The following IFNG-AS1 variants were observed in gnomAD, a reference collection of about 807,000 sequenced individuals.
IFNG-AS1 encodes the protein IFNG antisense RNA 1 (non-protein coding).
chr12:67,997,099 A>G (rs1879659214), intron 2 of IFNG-AS1, among the ~76,000 whole-genome samples: 1 of 152,154 alleles, frequency 6.6e-6, no homozygotes, highest in Admixed American at 6.5e-5. Context: ...AACAAAGAAC[A>G]TGAAACACTT....
At chr12:67,990,801 C>T (rs1489801408) in intron 1 of IFNG-AS1, among the ~76,000 whole-genome samples, 1 of 152,074 alleles carries the variant, frequency 6.6e-6, no homozygotes, top group African/African-American at 2.4e-5. Flanking sequence ...CCTATGTTGG[C>T]CAAGCTGGTC....
rs1031951742 is a variant in IFNG-AS1 at position 68,015,946 on chromosome 12, G to T, written n.242-3916G>T. On this transcript the variant is annotated intron_variant and non_coding_transcript_variant, in intron 3 of 5. Coordinates refer to ENST00000536914, the Ensembl canonical transcript of IFNG-AS1. ...TTTCCTATCTGAAAACTAGAGACGG[G>T]GGGGGGAAAAAAAACCTTTCCCAGA... 1.5e-4 allele frequency among the ~76,000 whole-genome samples: 23 copies of T among 151,506 alleles called. 1 individual carries two copies. The highest frequency in any genetic ancestry group is 4.1e-4 in the African/African-American group (17 of 41,250).
chr12:68,015,175 G>A (rs1457185502), intron 3 of IFNG-AS1, among the ~76,000 whole-genome samples: 2 of 152,128 alleles, frequency 1.3e-5, no homozygotes, highest in African/African-American at 4.8e-5. Context: ...TCTAAAGCAA[G>A]CCAGATGGAC....
intron 3 of IFNG-AS1, among the ~76,000 whole-genome samples, chr12:68,018,672 A>G (rs1592831469): frequency 6.6e-6 from 1 of 152,184 alleles, no homozygotes; most frequent in Non-Finnish European, 1.5e-5. Context: ...TCACCCCTCA[A>G]TGCAGGAAGG....
intron 3 of IFNG-AS1, among the ~76,000 whole-genome samples, chr12:68,010,971 T>C (rs1880012690): frequency 6.6e-6 from 1 of 152,240 alleles, no homozygotes; most frequent in Non-Finnish European, 1.5e-5. Flanking sequence ...AGGGGTTAGA[T>C]GTATTATCTC....
exon 2 of IFNG-AS1, chr12:67,995,978 G>A (rs1263937523): frequency 6.6e-6 from 1 of 152,156 alleles, no homozygotes; most frequent in African/African-American, 2.4e-5. Context: ...GCTGATGATG[G>A]TGGCAATCTT....
chr12:68,002,282 G>A (rs138012844), intron 2 of IFNG-AS1, among the ~76,000 whole-genome samples: 5 of 152,284 alleles, frequency 3.3e-5, no homozygotes, highest in South Asian at 2.1e-4. Context: ...GAGCACACAC[G>A]TGCATAGCAC....
At chr12:67,999,028 G>A (rs1402154970) in intron 2 of IFNG-AS1, among the ~76,000 whole-genome samples, 2 of 152,126 alleles carry the variant, frequency 1.3e-5, no homozygotes, top group East Asian at 1.9e-4. Context: ...AAGGAAAGGA[G>A]GAAGGCTAGA....
At chr12:68,015,404 T>G (rs1238489010) in intron 3 of IFNG-AS1, among the ~76,000 whole-genome samples, 1 of 152,144 alleles carries the variant, frequency 6.6e-6, no homozygotes, top group Non-Finnish European at 1.5e-5. Context: ...CCAGGACACT[T>G]GCTGATCTTT....
intron 3 of IFNG-AS1, among the ~76,000 whole-genome samples, chr12:68,009,872 G>A (rs1879987333): frequency 6.6e-6 from 1 of 152,122 alleles, no homozygotes; most frequent in Non-Finnish European, 1.5e-5. Flanking sequence ...CAGTGCTGCA[G>A]TATTAAAATA....
At chr12:67,997,499 GA>G (rs1879669968) in intron 2 of IFNG-AS1, among the ~76,000 whole-genome samples, 1 of 151,410 alleles carries the variant, frequency 6.6e-6, no homozygotes, top group African/African-American at 2.4e-5. Context: ...AAGACCCAAT[GA>G]AAAAGAGATA....
intron 2 of IFNG-AS1, among the ~76,000 whole-genome samples, chr12:68,003,655 C>G (rs1417110162): frequency 1.3e-5 from 2 of 152,116 alleles, no homozygotes; most frequent in Admixed American, 1.3e-4. Flanking sequence ...TGGCTCACGC[C>G]TGTAATCCCA....
intron 3 of IFNG-AS1, among the ~76,000 whole-genome samples, chr12:68,018,969 T>C (rs2120486425): frequency 6.6e-6 from 1 of 152,190 alleles, no homozygotes; most frequent in East Asian, 1.9e-4. Flanking sequence ...ATTTGAACTC[T>C]CTCATACTAA....
At chr12:68,006,832 A>G (rs1342730415) in intron 3 of IFNG-AS1, among the ~76,000 whole-genome samples, 1 of 152,196 alleles carries the variant, frequency 6.6e-6, no homozygotes, top group Middle Eastern at 3.2e-3. Flanking sequence ...TGAAACTCAC[A>G]TGAGACCCTA....
chr12:68,006,397 AT>A (rs1338234500), intron 3 of IFNG-AS1, among the ~76,000 whole-genome samples: 1 of 152,208 alleles, frequency 6.6e-6, no homozygotes, highest in Non-Finnish European at 1.5e-5. Flanking sequence ...CAAATTCCAG[AT>A]TTTTTTATAA....
chr12:68,017,060 C>A (rs1467175655), intron 3 of IFNG-AS1, among the ~76,000 whole-genome samples: 1 of 152,058 alleles, frequency 6.6e-6, no homozygotes, highest in Non-Finnish European at 1.5e-5. Flanking sequence ...ACAGAAGGGA[C>A]CTTTTGTCAT....
At chr12:68,001,911 C>T (rs993917164) in intron 2 of IFNG-AS1, among the ~76,000 whole-genome samples, 3 of 152,110 alleles carry the variant, frequency 2.0e-5, no homozygotes, top group Non-Finnish European at 4.4e-5. Context: ...AATAAGCTAC[C>T]TGCAAATGAG....
chr12:68,000,669 C>G (rs999688597), intron 2 of IFNG-AS1, among the ~76,000 whole-genome samples: 5 of 151,714 alleles, frequency 3.3e-5, no homozygotes, highest in African/African-American at 1.2e-4. Flanking sequence ...AAGGCCTTGT[C>G]TCTTAAAAAA....
intron 3 of IFNG-AS1, among the ~76,000 whole-genome samples, chr12:68,011,342 A>G (rs189952527): frequency 1.3e-5 from 2 of 152,328 alleles, no homozygotes. Flanking sequence ...TTTATTACTA[A>G]GAATTTAAAC....
Sources: gnomAD v4.1 joint callset for allele counts (sites outside exome capture counted in the v4.1 genomes callset) on GRCh38, gnomAD v4.1.1 for gene constraint, MANE v1.5 for transcripts, NCBI Gene and HGNC (gene_info 2026-07-23, HGNC 2026-07-21) for gene names.